Variants in CTNNB1 observed in about 807,000 individuals in gnomAD.
CTNNB1 encodes the protein catenin beta 1, also known as catenin beta-1.
CTNNB1 carries 6 observed loss-of-function variants against 82.5 expected under a neutral mutation model. The observed-to-expected ratio is 0.07, with a 90% confidence interval of 0.04 to 0.14. The LOEUF is 0.14. Ranked by LOEUF, CTNNB1 falls within the 10% of genes least tolerant of loss-of-function variation. The probability of loss-of-function intolerance (pLI) is 1.00; values close to 1 mark genes in which losing one functional copy is unlikely to be tolerated. For synonymous variants in CTNNB1, 312 were observed against 329.7 expected (o/e 0.95, Z 0.58); for missense variants, 529 against 980.4 (o/e 0.54, Z 6.15).
intron 13 of CTNNB1, 185 bp downstream of exon 13, chr3:41,236,894 C>G: frequency 1.4e-6 from 1 of 694,268 alleles, no homozygotes. Context: ...TTTAAAGAGT[C>G]TGTTCAGAAT....
In CTNNB1 at chr3:41,225,271, C is replaced by G. The variant is rs2078147019; in HGVS notation, c.496-63C>G. The G allele has an allele frequency of 1.2e-6, 2 of 1,613,716 alleles. No individual in the cohort carries two copies. Among genetic ancestry groups the G allele is most frequent in the Middle Eastern group, 3.3e-4 (2 of 6,060 alleles). On this transcript the variant is annotated intron_variant, in intron 4 of 14. Coordinates refer to ENST00000349496, the MANE Select transcript of CTNNB1 (RefSeq NM_001904.4). This position sits in a 1 kb window ranked among gnomAD's most constrained non-coding sequence, Gnocchi z 5.3. ...AGTAAATGCTCAAGGGGAGTAGTTT[C>G]AGAATGTCTACCCAATACCAGTACT... is the stretch of plus-strand genomic sequence containing the variant.
chr3:41,213,969 T>TTTGGAAGAA (rs969801031), intron 1 of CTNNB1, among the ~76,000 whole-genome samples: 2 of 152,180 alleles, frequency 1.3e-5, no homozygotes, highest in African/African-American at 4.8e-5. Context: ...TGTCTTTCTG[T>TTTGGAAGAA]TTGGAAGAAT....
intron 1 of CTNNB1, among the ~76,000 whole-genome samples, chr3:41,217,713 C>G (rs926345489): frequency 4.6e-5 from 7 of 152,162 alleles, no homozygotes; most frequent in Non-Finnish European, 8.8e-5. Flanking sequence ...TAGATATTAT[C>G]AATCTTTTCA....
In CTNNB1 at chr3:41,240,426, T is replaced by TA. The variant is rs1018232584; in HGVS notation, c.*1087dup. 5.6e-6 allele frequency: 1 copy of TA among 180,062 alleles called. No homozygotes were observed. Among genetic ancestry groups the TA allele is most frequent in the East Asian group, 9.2e-5 (1 of 10,896 alleles). The allele number at this position is 180,062 out of a possible 1,614,324, so 11.2% of individuals were successfully genotyped here. ...GCGGTTATAAAAAATGGTTCAGAATTAAACTTTTAATTCATTCGATTGTGT... is the reference window on the plus strand; with the variant it reads ...GCGGTTATAAAAAATGGTTCAGAATTAAAACTTTTAATTCATTCGATTGTGT... On this transcript the variant is annotated 3_prime_UTR_variant, in exon 15 of 15. Transcript: ENST00000349496.
At chr3:41,233,320 A>G (rs2125637405) in intron 7 of CTNNB1, 21 bp from the exon 8 acceptor site, 2 of 1,606,698 alleles carry the variant, frequency 1.2e-6, no homozygotes, top group Non-Finnish European at 1.7e-6. Context: ...CTAGGGCCTT[A>G]TATCCTTTTT....
chr3:41,236,302 G>A (rs747094773), intron 11 of CTNNB1, 47 bp from the exon 12 acceptor site: 3 of 1,612,522 alleles, frequency 1.9e-6, no homozygotes, highest in African/African-American at 2.7e-5. Context: ...GGCTTGCCAT[G>A]TTTTAGCTTT....
intron 1 of CTNNB1, among the ~76,000 whole-genome samples, chr3:41,200,878 T>C (rs2077514431): frequency 6.6e-6 from 1 of 152,150 alleles, no homozygotes; most frequent in Non-Finnish European, 1.5e-5. Flanking sequence ...TCTGTGGTCT[T>C]CCCCCCACCC....
chr3:41,211,908 G>A (rs1043633605), intron 1 of CTNNB1, among the ~76,000 whole-genome samples: 1 of 152,216 alleles, frequency 6.6e-6, no homozygotes. Flanking sequence ...GGTAGCCAGA[G>A]TAACCCTTTT....
intron 11 of CTNNB1, chr3:41,236,107 G>C (rs1341761667): frequency 1.4e-6 from 1 of 694,022 alleles, no homozygotes; most frequent in African/African-American, 1.8e-5. Flanking sequence ...ACCAATTCTG[G>C]GTTTTCCAAA....
intron 1 of CTNNB1, among the ~76,000 whole-genome samples, chr3:41,211,561 C>T (rs938921156): frequency 3.3e-5 from 5 of 152,128 alleles, no homozygotes; most frequent in African/African-American, 1.2e-4. Flanking sequence ...TTGTCTCTGT[C>T]TATTGTATCT....
At chr3:41,221,097 T>C (rs1214204716) in intron 1 of CTNNB1, 2 of 152,220 alleles carry the variant, frequency 1.3e-5, no homozygotes, top group African/African-American at 4.8e-5. Context: ...AGAAGTTGGC[T>C]AGCCCCCTCT....
intron 13 of CTNNB1, chr3:41,237,446 C>CAAAAAAAAAAAAAAAAAAA (rs3038134): frequency 3.1e-5 from 2 of 65,260 alleles, no homozygotes; most frequent in Non-Finnish European, 5.3e-5. Context: ...GACTCCAACA[C>CAAAAAAAAAAAAAAAAAAA]AAAAAAAAAA....
chr3:41,228,435 C>G (rs772011269), intron 7 of CTNNB1, among the ~76,000 whole-genome samples: 3 of 152,166 alleles, frequency 2.0e-5, no homozygotes, highest in Non-Finnish European at 2.9e-5. Flanking sequence ...GACGGTATCT[C>G]ATTGTGGTTT....
intron 1 of CTNNB1, among the ~76,000 whole-genome samples, chr3:41,216,861 T>C (rs972733812): frequency 6.6e-6 from 1 of 152,172 alleles, no homozygotes; most frequent in Non-Finnish European, 1.5e-5. Context: ...CCTTTTTCGT[T>C]CTCTTTAATG....
At position 41,233,367 on chromosome 3, in the gene CTNNB1, C is replaced by G. The variant is rs2125637624; in HGVS notation, c.1108C>G (p.Leu370Val). The G allele has an allele frequency of 6.2e-7, 1 of 1,614,200 alleles. No individual in the cohort carries two copies. Among genetic ancestry groups the G allele is most frequent in the Non-Finnish European group, 8.5e-7 (1 of 1,180,044 alleles). Residue 370 changes from leucine (L) to valine (V), a missense_variant, in exon 8 of 15, where the codon CTG becomes GTG. Physicochemically the swap from Leu to Val is conservative, Grantham distance 32 (BLOSUM62 1). This residue lies in a region of CTNNB1 where 411 missense variants were observed against 776.4 expected (regional missense o/e 0.53). Transcript: ENST00000349496. ...TGGAATGCAAGCTTTAGGACTTCACCTGACAGATCCAAGTCAACGTCTTGT... is the reference window on the plus strand; with the variant it reads ...TGGAATGCAAGCTTTAGGACTTCACGTGACAGATCCAAGTCAACGTCTTGT... Reference protein sequence around the residue: ...AGGMQALGLHLTDPSQRLVQN... With the variant: ...AGGMQALGLHVTDPSQRLVQN...
chr3:41,235,685 G>A (rs2125644337), intron 10 of CTNNB1, 39 bp from the exon 11 acceptor site: 1 of 1,613,896 alleles, frequency 6.2e-7, no homozygotes, highest in Non-Finnish European at 8.5e-7. Flanking sequence ...ACTTTACAGA[G>A]GAGAATGCCC....
chr3:41,199,559 G>C lies in CTNNB1; in HGVS notation c.-160G>C, dbSNP rs946972298. 2 of 153,194 alleles carry C rather than the reference G, an allele frequency of 1.3e-5. No individual in the cohort carries two copies. Among genetic ancestry groups the C allele is most frequent in the Admixed American group, 6.5e-5 (1 of 15,286 alleles). 9.5% of individuals were successfully genotyped at this position (153,194 alleles called of 1,614,324 possible). On this transcript the variant is annotated 5_prime_UTR_variant, in exon 1 of 15. Coordinates refer to ENST00000349496, the MANE Select transcript of CTNNB1 (RefSeq NM_001904.4). ...GCCCGGCCCCGGGAGCGGAGAGCGA[G>C]GGGAGGCGGAGACGGAGGAAGGTCT...
intron 1 of CTNNB1, chr3:41,222,206 AAAAG>A (rs1359530895): frequency 1.3e-5 from 2 of 152,264 alleles, no homozygotes; most frequent in African/African-American, 2.4e-5. Context: ...TCAGGCCAGA[AAAAG>A]AAAGAGGAAG....
chr3:41,209,317 C>G (rs1156975431), intron 1 of CTNNB1, among the ~76,000 whole-genome samples: 1 of 152,164 alleles, frequency 6.6e-6, no homozygotes. Context: ...TGGTATCCAG[C>G]TATTTTTTGG....
Sources: allele counts gnomAD v4.1 joint callset (sites outside exome capture counted in the v4.1 genomes callset), GRCh38; gene constraint gnomAD v4.1.1; regional missense constraint gnomAD v4.1.1; non-coding constraint Gnocchi (gnomAD v3.1); transcripts MANE v1.5; gene names NCBI Gene and HGNC (gene_info 2026-07-23, HGNC 2026-07-21).